Variants in GABRB3 observed in about 807,000 individuals in gnomAD.
The protein encoded by GABRB3 is gamma-aminobutyric acid type A receptor subunit beta3, also known as gamma-aminobutyric acid receptor subunit beta-3.
Under a neutral mutation model 52.1 loss-of-function variants are expected in GABRB3, and 14 were observed. The ratio of observed to expected loss-of-function variants is 0.27; its 90% CI spans 0.18 to 0.42. The LOEUF (loss-of-function observed/expected upper bound fraction) is 0.42. Among genes scored for constraint, GABRB3 ranks in the 10% least tolerant of loss-of-function variants. The pLI, the probability that GABRB3 is intolerant of heterozygous loss-of-function variation, is 1.00. For synonymous variants in GABRB3, 260 were observed against 232.3 expected (o/e 1.12, Z -1.08); for missense variants, 307 against 609.1 (o/e 0.50, Z 5.22).
intron 3 of GABRB3, among the ~76,000 whole-genome samples, chr15:26,681,190 ATCCTGGAT>A (rs1190779714): frequency 6.6e-6 from 1 of 152,160 alleles, no homozygotes; most frequent in Non-Finnish European, 1.5e-5. Context: ...GGATGCGATC[ATCCTGGAT>A]TCCTTCCTCA....
rs1481239699 is a variant in GABRB3 at position 26,567,739 on chromosome 15, G to A, written c.683-6C>T. ...TGACAGTCGAGGATAGGCACCTATG[G>A]GAAACAGACAAGGATATTACACTGG... On this transcript the variant is annotated splice_polypyrimidine_tract_variant and splice_region_variant and intron_variant, in intron 6 of 8. Transcript: ENST00000311550. The A allele has an allele frequency of 6.2e-7, 1 of 1,613,534 alleles. No homozygotes were observed. The highest frequency in any genetic ancestry group is 1.3e-5 in the African/African-American group (1 of 74,912).
At chr15:26,571,065 T>C (rs1890376295) in intron 6 of GABRB3, among the ~76,000 whole-genome samples, 1 of 152,198 alleles carries the variant, frequency 6.6e-6, no homozygotes, top group Non-Finnish European at 1.5e-5. Flanking sequence ...CCTTATTGAA[T>C]TGTAGCTTGA....
chr15:26,712,813 G>C (rs927588991), intron 3 of GABRB3, among the ~76,000 whole-genome samples: 1 of 152,142 alleles, frequency 6.6e-6, no homozygotes, highest in Non-Finnish European at 1.5e-5. Context: ...CAAACAGCTG[G>C]GAGGCACAGA....
chr15:26,671,557 C>T (rs1218874206), intron 3 of GABRB3, among the ~76,000 whole-genome samples: 1 of 152,180 alleles, frequency 6.6e-6, no homozygotes, highest in Non-Finnish European at 1.5e-5. Flanking sequence ...AAGAGACCAA[C>T]AGAATCTATA....
intron 3 of GABRB3, among the ~76,000 whole-genome samples, chr15:26,712,601 C>T (rs747735402): frequency 4.6e-5 from 7 of 152,044 alleles, no homozygotes; most frequent in East Asian, 1.9e-4. Context: ...TTGATATCTG[C>T]GGTGCTGAAA....
At chr15:26,764,036 G>C (rs1890895405) in intron 3 of GABRB3, among the ~76,000 whole-genome samples, 1 of 150,760 alleles carries the variant, frequency 6.6e-6, no homozygotes, top group African/African-American at 2.4e-5. Flanking sequence ...TGTAATCCCA[G>C]CTACTGGAGA....
chr15:26,619,941 G>A (rs1317367222), intron 4 of GABRB3, among the ~76,000 whole-genome samples: 1 of 114,274 alleles, frequency 8.8e-6, no homozygotes, highest in Non-Finnish European at 1.9e-5. Flanking sequence ...ATCACATACC[G>A]CACACACCCA....
At chr15:26,561,294 C>G in intron 7 of GABRB3, 118 bp from the exon 8 acceptor site, 1 of 1,406,150 alleles carries the variant, frequency 7.1e-7, no homozygotes, top group Non-Finnish European at 9.9e-7. Flanking sequence ...GGGTTGAATA[C>G]TGTGGGGTGA....
chr15:26,672,408 T>G (rs1195207676), intron 3 of GABRB3, among the ~76,000 whole-genome samples: 4 of 152,152 alleles, frequency 2.6e-5, no homozygotes, highest in African/African-American at 4.8e-5. Flanking sequence ...GACCCACTTA[T>G]AGTTCCTGAA....
intron 3 of GABRB3, among the ~76,000 whole-genome samples, chr15:26,726,142 A>G (rs59487905): frequency 0.024 from 3,532 of 146,450 alleles, 124 homozygotes; most frequent in African/African-American, 0.082. Context: ...TGAACTGTAC[A>G]TTGTGTGCCT....
At chr15:26,668,145 C>T (rs1039968069) in intron 3 of GABRB3, among the ~76,000 whole-genome samples, 16 of 152,128 alleles carry the variant, frequency 1.1e-4, no homozygotes, top group Non-Finnish European at 2.1e-4. Context: ...TGATTATCTT[C>T]CCTATAGAAA....
chr15:26,588,972 T>TA (rs1313099846), intron 4 of GABRB3, among the ~76,000 whole-genome samples: 5 of 152,210 alleles, frequency 3.3e-5, no homozygotes, highest in African/African-American at 1.2e-4. Context: ...CTATCTCTAG[T>TA]AAGTGTAAAA....
intron 6 of GABRB3, among the ~76,000 whole-genome samples, chr15:26,570,367 T>G (rs983336833): frequency 1.3e-5 from 2 of 152,206 alleles, no homozygotes; most frequent in Non-Finnish European, 2.9e-5. Flanking sequence ...ATGTGGATCA[T>G]GGGCCTGCGC....
At chr15:26,620,197 T>C (rs1892429459) in intron 4 of GABRB3, among the ~76,000 whole-genome samples, 1 of 152,176 alleles carries the variant, frequency 6.6e-6, no homozygotes, top group Non-Finnish European at 1.5e-5. Context: ...AGACTCTTTT[T>C]GAAGGAACAC....
At chr15:26,748,096 C>T (rs12910337) in intron 3 of GABRB3, among the ~76,000 whole-genome samples, 138,205 of 151,954 alleles carry the variant, frequency 0.91, 62,944 homozygotes, top group East Asian at 1. Context: ...TATAATTCCT[C>T]TAAGATATTG....
Position 26,767,866 on chromosome 15 carries a change from G to GAAGA in GABRB3, c.240+4532_240+4535dup, listed in dbSNP as rs573372229. On this transcript the variant is annotated intron_variant, in intron 3 of 8. Coordinates refer to ENST00000311550, the MANE Select transcript of GABRB3 (RefSeq NM_000814.6). Reference sequence around the variant, plus strand: ...CTCCTCTTTGCCCCTCTTCTAAAAAGAAGAAAAACATAAAATAATAGTGCA... The same window carrying GAAGA: ...CTCCTCTTTGCCCCTCTTCTAAAAAGAAGAAAGAAAAACATAAAATAATAGTGCA... Among the ~76,000 whole-genome samples the GAAGA allele has an allele frequency of 2.0e-3, 302 of 152,164 alleles. 1 individual carries two copies. The highest frequency in any genetic ancestry group is 6.4e-3 in the African/African-American group (265 of 41,536).
intron 3 of GABRB3, among the ~76,000 whole-genome samples, chr15:26,657,664 AG>A (rs1339003749): frequency 6.6e-6 from 1 of 152,214 alleles, no homozygotes; most frequent in East Asian, 1.9e-4. Flanking sequence ...TCCAGTTCAT[AG>A]GTAACTGAAT....
At chr15:26,741,460 C>T (rs969736191) in intron 3 of GABRB3, among the ~76,000 whole-genome samples, 9 of 152,206 alleles carry the variant, frequency 5.9e-5, no homozygotes, top group African/African-American at 2.2e-4. Flanking sequence ...CTTCATCTCC[C>T]TGACACCTCC....
intron 4 of GABRB3, among the ~76,000 whole-genome samples, chr15:26,599,763 C>T (rs899587065): frequency 1.3e-5 from 2 of 152,240 alleles, no homozygotes; most frequent in East Asian, 3.9e-4. Flanking sequence ...AACAAAAACA[C>T]CTGTAAAGGC....
Sources: gnomAD v4.1 joint callset for allele counts (sites outside exome capture counted in the v4.1 genomes callset) on GRCh38, gnomAD v4.1.1 for gene constraint, MANE v1.5 for transcripts, NCBI Gene and HGNC (gene_info 2026-07-23, HGNC 2026-07-21) for gene names.